AOX1: variants seen among roughly 807,000 people sequenced by gnomAD.
AOX1 encodes aldehyde oxidase.
A neutral mutation model predicts 169.5 loss-of-function variants in AOX1; 153 were observed. The observed-to-expected ratio is 0.90, with a 90% CI of 0.79 to 1.03. The LOEUF is 1.03. Among genes scored for constraint, AOX1 ranks in the 50% least tolerant of loss-of-function variants. The probability of loss-of-function intolerance (pLI) is 0.00; values close to 1 mark genes in which losing one functional copy is unlikely to be tolerated. For synonymous variants in AOX1, 562 were observed against 581.9 expected, an observed-to-expected ratio of 0.97 and a Z score of 0.49; for missense variants, 1,656 against 1,663.9, an observed-to-expected ratio of 1.00 and a Z score of 0.08.
At chr2:200,598,652 GA>G (rs57516875) in intron 4 of AOX1, among the ~76,000 whole-genome samples, 57,668 of 150,726 alleles carry the variant, frequency 0.38, 11,658 homozygotes, top group Middle Eastern at 0.47. Flanking sequence ...GCTGAAGCAG[GA>G]ATAATCACTT....
chr2:200,619,898 T>A (rs1196500669), intron 16 of AOX1, among the ~76,000 whole-genome samples: 1 of 152,228 alleles, frequency 6.6e-6, no homozygotes, highest in Non-Finnish European at 1.5e-5. Context: ...ACAAACATAG[T>A]CACGATATCA....
chr2:200,607,389 G>A (rs573780978), intron 10 of AOX1, among the ~76,000 whole-genome samples: 8 of 152,198 alleles, frequency 5.3e-5, no homozygotes, highest in South Asian at 2.1e-4. Context: ...CTGATCATTA[G>A]GGAAATGCAA....
chr2:200,611,042 G>A (rs527625478), intron 12 of AOX1, among the ~76,000 whole-genome samples: 1 of 152,060 alleles, frequency 6.6e-6, no homozygotes, highest in African/African-American at 2.4e-5. Context: ...TTTTAGCAGA[G>A]AGAGGTTTCA....
chr2:200,616,163 T>A, intron 16 of AOX1, 100 bp downstream of exon 16: 1 of 821,964 alleles, frequency 1.2e-6, no homozygotes, highest in Non-Finnish European at 2.0e-6. Context: ...GCTCTGTAAG[T>A]CCAAGCTCCA....
chr2:200,604,900 C>A, intron 9 of AOX1, 60 bp downstream of exon 9: 1 of 1,249,254 alleles, frequency 8.0e-7, no homozygotes, highest in Non-Finnish European at 1.1e-6. Flanking sequence ...TGGGATGGGG[C>A]CGGGGTGGGC....
intron 23 of AOX1, among the ~76,000 whole-genome samples, chr2:200,638,989 T>C (rs149078427): frequency 3.9e-5 from 6 of 152,338 alleles, no homozygotes; most frequent in Non-Finnish European, 7.3e-5. Context: ...CATTTATTGG[T>C]GCCACTGTGC....
At chr2:200,653,377 C>G (rs1326118417) in intron 26 of AOX1, among the ~76,000 whole-genome samples, 2 of 152,218 alleles carry the variant, frequency 1.3e-5, no homozygotes, top group African/African-American at 4.8e-5. Context: ...GAGGAGGAAA[C>G]TAGACATGAT....
intron 7 of AOX1, 65 bp downstream of exon 7, chr2:200,603,421 A>C: frequency 7.6e-7 from 1 of 1,316,918 alleles, no homozygotes; most frequent in Non-Finnish European, 1.1e-6. Flanking sequence ...ACATACTCTT[A>C]GGAAGAACAA....
rs1384593324 is a variant in AOX1 at position 200,586,201 on chromosome 2, G to A, written c.45+48G>A. On this transcript the variant is annotated intron_variant, in intron 1 of 34. Transcript: ENST00000374700. ...TGCCCCCAGACCTGCGGCCAGGGCC[G>A]GGGCAGAGAGGAGCCCCTGCCGTTC... 6 of 1,504,864 alleles carry A rather than the reference G, an allele frequency of 4.0e-6. No homozygotes were observed. In the South Asian group the frequency reaches 6.2e-5, roughly 16 times the overall value. 93.2% of individuals were successfully genotyped at this position (1,504,864 alleles called of 1,614,324 possible).
intron 20 of AOX1, among the ~76,000 whole-genome samples, chr2:200,631,007 T>C (rs758047299): frequency 1.7e-4 from 26 of 151,052 alleles, no homozygotes; most frequent in Non-Finnish European, 3.7e-4. Flanking sequence ...ACTTAAAAGT[T>C]GAAGGAAAAA....
At chr2:200,640,051 AAAAG>A (rs2035321307) in intron 23 of AOX1, among the ~76,000 whole-genome samples, 1 of 151,850 alleles carries the variant, frequency 6.6e-6, no homozygotes, top group Non-Finnish European at 1.5e-5. Flanking sequence ...AAAAAAAAAA[AAAAG>A]AATGGATAGG....
intron 15 of AOX1, among the ~76,000 whole-genome samples, chr2:200,614,880 A>G (rs1332685461): frequency 1.3e-5 from 2 of 152,206 alleles, no homozygotes. Context: ...CAGGTAACCA[A>G]TTATAGACTC....
Position 200,669,593 on chromosome 2 carries a change from G to A in AOX1, c.3817G>A (p.Val1273Met), listed in dbSNP as rs866719910. ...YSSKGLGESG[V>M]FLGCSVFFAI... ...TTTCAAGGGTCTGGGAGAGTCGGGGGTGTTCCTGGGGTGTTCCGTGTTTTT... is the reference window on the plus strand; with the variant it reads ...TTTCAAGGGTCTGGGAGAGTCGGGGATGTTCCTGGGGTGTTCCGTGTTTTT... Residue 1273 changes from valine (V) to methionine (M), a missense_variant, in exon 34 of 35, where the codon GTG (valine) becomes ATG (methionine). Transcript: ENST00000374700. 14 of 1,614,008 alleles carry A rather than the reference G, an allele frequency of 8.7e-6. No individual in the cohort carries two copies. In the Middle Eastern group the frequency reaches 2.1e-3, roughly 247 times the overall value.
chr2:200,599,624 G>A lies in AOX1; in HGVS notation c.314G>A (p.Arg105Lys), dbSNP rs771547350. Reference sequence around the variant, plus strand: ...CTAACCTTTCTGTGCTTCCAGGAGAGGATTGCCAAGTGTCATGGCACCCAG... The same window carrying A: ...CTAACCTTTCTGTGCTTCCAGGAGAAGATTGCCAAGTGTCATGGCACCCAG... ...THTRIHPVQE[R>K]IAKCHGTQCG... The change falls in exon 5 of 35, where the codon AGG becomes AAG. Residue 105 changes from arginine (R) to lysine (K), a missense_variant. Coordinates refer to ENST00000374700, the MANE Select transcript of AOX1 (RefSeq NM_001159.4). 3.1e-6 allele frequency: 5 copies of A among 1,608,978 alleles called. No individual in the cohort carries two copies. The Admixed American group carries it at 8.4e-5, about 27-fold the overall frequency.
chr2:200,624,088 C>A, intron 19 of AOX1, 105 bp downstream of exon 19: 1 of 1,400,850 alleles, frequency 7.1e-7, no homozygotes, highest in Non-Finnish European at 1.0e-6. Flanking sequence ...AAGTGGCCTC[C>A]AAAGCACACG....
chr2:200,673,335 G>A (rs1285989546), downstream of AOX1, among the ~76,000 whole-genome samples: 2 of 152,210 alleles, frequency 1.3e-5, no homozygotes, highest in Middle Eastern at 3.4e-3. Context: ...CACTTCAAAC[G>A]TCCCAAGCAG....
chr2:200,631,515 T>A (rs191772203), intron 20 of AOX1, among the ~76,000 whole-genome samples: 1 of 152,212 alleles, frequency 6.6e-6, no homozygotes, highest in Non-Finnish European at 1.5e-5. Flanking sequence ...GGGCCTCTTA[T>A]TAAAATGTAA....
chr2:200,652,324 T>C (rs1307940849), intron 26 of AOX1, among the ~76,000 whole-genome samples: 1 of 152,238 alleles, frequency 6.6e-6, no homozygotes, highest in Non-Finnish European at 1.5e-5. Flanking sequence ...AGTCTTCTCA[T>C]TCCTTGCCTG....
At chr2:200,592,275 G>T (rs563531194) in intron 1 of AOX1, among the ~76,000 whole-genome samples, 1 of 152,274 alleles carries the variant, frequency 6.6e-6, no homozygotes, top group Admixed American at 6.5e-5. Flanking sequence ...AATATAGCCT[G>T]TTAGAATTGA....
Sources: allele counts gnomAD v4.1 joint callset (sites outside exome capture counted in the v4.1 genomes callset), GRCh38; gene constraint gnomAD v4.1.1; transcripts MANE v1.5; gene names NCBI Gene and HGNC (gene_info 2026-07-23, HGNC 2026-07-21).